ADAMTS3: variants seen among roughly 807,000 people sequenced by gnomAD.
The protein encoded by ADAMTS3 is A disintegrin and metalloproteinase with thrombospondin motifs 3.
Under a neutral mutation model 129.0 loss-of-function variants are expected in ADAMTS3, and 73 were observed. That is an observed-to-expected ratio of 0.57 (90% CI 0.47 to 0.69). The LOEUF (loss-of-function observed/expected upper bound fraction) is 0.69, where lower values mean the gene tolerates loss of function less well. Ranked by LOEUF, ADAMTS3 falls within the 30% of genes least tolerant of loss-of-function variation. The pLI is 0.00. For missense variants in ADAMTS3, 1,457 were observed against 1,514.5 expected, an observed-to-expected ratio of 0.96 and a Z score of 0.63; for synonymous variants, 477 against 510.8, an observed-to-expected ratio of 0.93 and a Z score of 0.89.
At chr4:72,511,149 T>C (rs1720303702) in intron 3 of ADAMTS3, among the ~76,000 whole-genome samples, 1 of 152,024 alleles carries the variant, frequency 6.6e-6, no homozygotes, top group Non-Finnish European at 1.5e-5. Flanking sequence ...AAGACTTAAA[T>C]CTCAGAGCTC....
intron 3 of ADAMTS3, among the ~76,000 whole-genome samples, chr4:72,496,529 A>T (rs1518478): frequency 0.22 from 33,894 of 151,948 alleles, 4,280 homozygotes; most frequent in Non-Finnish European, 0.29. Flanking sequence ...GCTATATGGC[A>T]TAGGTATATA....
chr4:72,319,321 AG>A lies in ADAMTS3; in HGVS notation c.1352+10del, dbSNP rs1309610558. 1.2e-6 allele frequency: 2 copies of A among 1,613,626 alleles called. No individual in the cohort carries two copies. Among genetic ancestry groups the A allele is most frequent in the Non-Finnish European group, 1.7e-6 (2 of 1,179,862 alleles). ...AATAAATACTTTCATGACATGCAGC[AG>A]GGGACATACTGGATATATCTTTTCA... On this transcript the variant is annotated intron_variant, in intron 9 of 21. Transcript: ENST00000286657.
At chr4:72,339,446 G>T (rs1426599128) in intron 5 of ADAMTS3, 48 bp downstream of exon 5, 2 of 1,581,832 alleles carry the variant, frequency 1.3e-6, no homozygotes, top group South Asian at 1.1e-5. Context: ...ACAAATAAGA[G>T]AAGTGAATTA....
intron 5 of ADAMTS3, among the ~76,000 whole-genome samples, chr4:72,326,755 T>C (rs941799811): frequency 1.3e-5 from 2 of 152,048 alleles, no homozygotes; most frequent in Non-Finnish European, 2.9e-5. Flanking sequence ...AGAAAAACAA[T>C]TGCCTTAATC....
chr4:72,399,960 C>T (rs1245059444), intron 4 of ADAMTS3, among the ~76,000 whole-genome samples: 1 of 998 alleles, frequency 1.0e-3, no homozygotes, highest in Non-Finnish European at 2.5e-3. Context: ...TGTGTATATA[C>T]GTGTGTATAT....
At chr4:72,443,607 C>A (rs955140337) in intron 3 of ADAMTS3, among the ~76,000 whole-genome samples, 9 of 151,128 alleles carry the variant, frequency 6.0e-5, no homozygotes, top group Admixed American at 5.9e-4. Flanking sequence ...GGTAATCCAG[C>A]ACAATCTGTA....
chr4:72,473,098 C>T (rs895132124), intron 3 of ADAMTS3, among the ~76,000 whole-genome samples: 1 of 152,108 alleles, frequency 6.6e-6, no homozygotes, highest in African/African-American at 2.4e-5. Context: ...TGCTATTCAA[C>T]ATGTGTACCT....
At chr4:72,459,004 CA>C (rs1378149526) in intron 3 of ADAMTS3, among the ~76,000 whole-genome samples, 1 of 151,522 alleles carries the variant, frequency 6.6e-6, no homozygotes, top group Non-Finnish European at 1.5e-5. Context: ...AAAATGCTAA[CA>C]AAAAAACAAT....
chr4:72,349,602 T>A (rs1332087755), intron 4 of ADAMTS3, among the ~76,000 whole-genome samples: 1 of 151,714 alleles, frequency 6.6e-6, no homozygotes, highest in African/African-American at 2.4e-5. Flanking sequence ...ATGTTGCCTA[T>A]TTTTTTTCAG....
chr4:72,367,159 C>A (rs1238554633), intron 4 of ADAMTS3, among the ~76,000 whole-genome samples: 1 of 152,120 alleles, frequency 6.6e-6, no homozygotes, highest in Non-Finnish European at 1.5e-5. Flanking sequence ...TTGTACAGCT[C>A]AAGTAGTTAG....
At chr4:72,478,227 G>A (rs1168046994) in intron 3 of ADAMTS3, among the ~76,000 whole-genome samples, 1 of 152,176 alleles carries the variant, frequency 6.6e-6, no homozygotes, top group Non-Finnish European at 1.5e-5. Context: ...AAGCTGGGCA[G>A]AGACACAACT....
At chr4:72,549,665 C>T (rs1348067324) in intron 2 of ADAMTS3, among the ~76,000 whole-genome samples, 1 of 151,866 alleles carries the variant, frequency 6.6e-6, no homozygotes, top group Non-Finnish European at 1.5e-5. Context: ...CAAGAGGGAA[C>T]AGCATTCTCA....
At chr4:72,553,586 C>A (rs931598515) in intron 2 of ADAMTS3, among the ~76,000 whole-genome samples, 2 of 152,128 alleles carry the variant, frequency 1.3e-5, no homozygotes, top group African/African-American at 4.8e-5. Context: ...TTTCTCTGAG[C>A]ACTCCAGGCT....
At chr4:72,454,019 A>G (rs1245268387) in intron 3 of ADAMTS3, among the ~76,000 whole-genome samples, 1 of 151,322 alleles carries the variant, frequency 6.6e-6, no homozygotes, top group African/African-American at 2.4e-5. Context: ...CTTGAAAGCA[A>G]ATTCACACAC....
At chr4:72,414,509 T>C (rs533716108) in intron 4 of ADAMTS3, among the ~76,000 whole-genome samples, 48 of 151,980 alleles carry the variant, frequency 3.2e-4, no homozygotes, top group Non-Finnish European at 6.6e-4. Context: ...GATACTTCTG[T>C]AAAATACAAA....
At chr4:72,288,923 TAC>T (rs33967517) in intron 20 of ADAMTS3, 55 bp from the exon 21 acceptor site, 164,585 of 448,500 alleles carry the variant, frequency 0.37, 17,833 homozygotes, top group Non-Finnish European at 0.42. Flanking sequence ...ACCATGCACA[TAC>T]ACACACACAC....
chr4:72,428,952 G>A (rs998257706), intron 3 of ADAMTS3, among the ~76,000 whole-genome samples: 1 of 151,988 alleles, frequency 6.6e-6, no homozygotes, highest in Non-Finnish European at 1.5e-5. Flanking sequence ...CCTTAAGAAA[G>A]TAGGTCGCAA....
chr4:72,329,972 T>C lies in ADAMTS3; in HGVS notation c.862-6875A>G, dbSNP rs186801779. 1.6e-3 allele frequency among the ~76,000 whole-genome samples: 244 copies of C among 152,256 alleles called. 1 individual carries two copies. The highest frequency in any genetic ancestry group is 5.3e-3 in the African/African-American group (221 of 41,546). ...CCCTGCAATATTCTCTTCACTGCTG[T>C]TGCTTCAACCAGTATCTATAGGCTG... is the stretch of plus-strand genomic sequence containing the variant. On this transcript the variant is annotated intron_variant, in intron 5 of 21. Transcript: ENST00000286657.
At position 72,520,480 on chromosome 4, in the gene ADAMTS3, G is replaced by C. The variant is rs1720634625; in HGVS notation, c.504+27998C>G. Among the ~76,000 whole-genome samples, 4 of 152,218 alleles carry C rather than the reference G, an allele frequency of 2.6e-5. No homozygotes were observed. In the South Asian group the frequency reaches 8.3e-4, roughly 31 times the overall value. On this transcript the variant is annotated intron_variant, in intron 3 of 21. Transcript: ENST00000286657. Reference sequence around the variant, plus strand: ...ACAGACAGGCAGGCCTCCTTGAGCTGTGGTGGGCTCCACCCAGTTGGAGCT... The same window carrying C: ...ACAGACAGGCAGGCCTCCTTGAGCTCTGGTGGGCTCCACCCAGTTGGAGCT...
Sources: gnomAD v4.1 joint callset for allele counts (sites outside exome capture counted in the v4.1 genomes callset) on GRCh38, gnomAD v4.1.1 for gene constraint, MANE v1.5 for transcripts, NCBI Gene and HGNC (gene_info 2026-07-23, HGNC 2026-07-21) for gene names.